Variants in OTULIN observed in about 807,000 individuals in gnomAD.
OTULIN encodes the protein ubiquitin thioesterase otulin.
In OTULIN, 15 loss-of-function variants were observed where a neutral mutation model predicts 39.6. The ratio of observed to expected loss-of-function variants is 0.38; its 90% CI spans 0.25 to 0.58. The LOEUF (loss-of-function observed/expected upper bound fraction) is 0.58, where lower values mean the gene tolerates loss of function less well. Among genes scored for constraint, OTULIN ranks in the 20% least tolerant of loss-of-function variants. The pLI is 0.66. For synonymous variants in OTULIN, 156 were observed against 170.3 expected (o/e 0.92, Z 0.65); for missense variants, 319 against 445.9 (o/e 0.72, Z 2.56).
chr5:14,685,414 A>G (rs1008048886), intron 4 of OTULIN, among the ~76,000 whole-genome samples: 1 of 152,236 alleles, frequency 6.6e-6, no homozygotes, highest in African/African-American at 2.4e-5. Flanking sequence ...TTATTCTAAT[A>G]GAAGTCCAGT....
the OTULIN span, chr5:14,713,801 A>G: frequency 7.7e-7 from 1 of 1,295,038 alleles, no homozygotes; most frequent in South Asian, 1.2e-5. This position sits in a 1 kb window ranked among gnomAD's most constrained non-coding sequence, Gnocchi z 4.4. Context: ...GCCGCTGGCC[A>G]CCTCATCTTC....
At chr5:14,712,997 A>G in the OTULIN span, 7 of 1,602,442 alleles carry the variant, frequency 4.4e-6, no homozygotes, top group Non-Finnish European at 6.0e-6. Flanking sequence ...CACAAAGGCA[A>G]TTTGTCTGTT....
chr5:14,686,267 G>T (rs1736385670), intron 4 of OTULIN, among the ~76,000 whole-genome samples: 1 of 152,028 alleles, frequency 6.6e-6, no homozygotes, highest in African/African-American at 2.4e-5. Flanking sequence ...TTTATTTTAT[G>T]TATTTATTTT....
At chr5:14,710,566 G>C in the OTULIN span, 1 of 156,548 alleles carries the variant, frequency 6.4e-6, no homozygotes, top group African/African-American at 2.4e-5. Flanking sequence ...GGGAGATTCT[G>C]TCCATCTGTC....
rs981649996 is a variant in OTULIN, at chr5:14,694,206, G to A, written c.*1158G>A. 4 of 152,284 alleles carry A rather than the reference G, an allele frequency of 2.6e-5. No individual in the cohort carries two copies. Among genetic ancestry groups the A allele is most frequent in the African/African-American group, 9.6e-5 (4 of 41,480 alleles). 9.4% of individuals were successfully genotyped at this position (152,284 alleles called of 1,614,324 possible). A position where few individuals can be genotyped will look rare whatever the true frequency, so the allele number is the denominator to read the frequency against. The stretch of plus-strand genomic sequence containing the variant: ...AATATGAGTGCAAAAGTGTGGCTGA[G>A]CCGCGTATGCCCTTGATTGGTTTTG... On this transcript the variant is annotated 3_prime_UTR_variant, in exon 7 of 7. Transcript: ENST00000284274.
At position 14,688,917 on chromosome 5, in the gene OTULIN, A is replaced by G. The variant is rs2288471; in HGVS notation, c.595-1122A>G. 5.3e-4 allele frequency among the ~76,000 whole-genome samples: 80 copies of G among 152,264 alleles called. No individual in the cohort carries two copies. The East Asian group carries it at 0.011, about 21-fold the overall frequency. ...GTTTTTCTACTATAATTAGACCCTC[A>G]TTTTTGGGAATGCTTGAGTGGTGCC... On this transcript the variant is annotated intron_variant, in intron 5 of 6. Coordinates refer to ENST00000284274, the MANE Select transcript of OTULIN (RefSeq NM_138348.6).
chr5:14,684,904 C>T (rs1736347212), intron 4 of OTULIN, among the ~76,000 whole-genome samples: 1 of 152,186 alleles, frequency 6.6e-6, no homozygotes, highest in Non-Finnish European at 1.5e-5. Flanking sequence ...CCTTATTTGC[C>T]CCTCTGACAG....
chr5:14,702,005 G>A (rs1313121769), downstream of OTULIN, among the ~76,000 whole-genome samples: 2 of 152,194 alleles, frequency 1.3e-5, no homozygotes, highest in African/African-American at 2.4e-5. Flanking sequence ...GGAAACACTC[G>A]AGCCTCGTGG....
intron 5 of OTULIN, among the ~76,000 whole-genome samples, chr5:14,689,694 AGCTTCACACACAG>A (rs977633460): frequency 1.3e-5 from 2 of 152,168 alleles, no homozygotes; most frequent in African/African-American, 2.4e-5. Context: ...TGCCCTTCAC[AGCTTCACACACAG>A]GCTTCACACA....
At chr5:14,691,954 A>G (rs573693470) in intron 6 of OTULIN, among the ~76,000 whole-genome samples, 62 of 152,330 alleles carry the variant, frequency 4.1e-4, no homozygotes, top group African/African-American at 1.4e-3. Flanking sequence ...GTAATATCCC[A>G]TTGTATGGAT....
the OTULIN span, among the ~76,000 whole-genome samples, chr5:14,715,068 G>A: frequency 6.8e-3 from 1,030 of 152,310 alleles, 2 homozygotes; most frequent in Non-Finnish European, 0.01. Flanking sequence ...AAGTGACGCC[G>A]CAAGGCCTTA....
At chr5:14,669,416 C>G (rs1331077253) in intron 1 of OTULIN, among the ~76,000 whole-genome samples, 2 of 152,080 alleles carry the variant, frequency 1.3e-5, no homozygotes, top group Non-Finnish European at 2.9e-5. Flanking sequence ...AAAATATACA[C>G]TTTAAAATAA....
chr5:14,677,462 C>A (rs1404821369), intron 2 of OTULIN, among the ~76,000 whole-genome samples: 1 of 152,150 alleles, frequency 6.6e-6, no homozygotes, highest in Non-Finnish European at 1.5e-5. Context: ...TCTACGTCTT[C>A]AGTAATTTAA....
In OTULIN at chr5:14,690,412, T is replaced by G. The variant is rs533970504; in HGVS notation, c.864+104T>G. 1,628 of 1,394,490 alleles carry G rather than the reference T, an allele frequency of 1.2e-3. 14 individuals carry two copies. Among genetic ancestry groups the G allele is most frequent in the South Asian group, 0.011 (804 of 71,772 alleles). The allele number at this position is 1,394,490 out of a possible 1,614,324, so 86.4% of individuals were successfully genotyped here. A position where few individuals can be genotyped will look rare whatever the true frequency, so the allele number is the denominator to read the frequency against. On this transcript the variant is annotated intron_variant, in intron 6 of 6. Coordinates refer to ENST00000284274, the MANE Select transcript of OTULIN (RefSeq NM_138348.6). This position sits in a 1 kb window ranked among gnomAD's most constrained non-coding sequence, Gnocchi z 4.5. ...GGTCAGAAATTCAGGGACAGCTTAG[T>G]TGGATGGTTCTGGCTCAGGATGTCA...
the OTULIN span, among the ~76,000 whole-genome samples, chr5:14,713,341 C>G: frequency 6.6e-6 from 1 of 152,254 alleles, no homozygotes; most frequent in African/African-American, 2.4e-5. The surrounding 1 kb of genome is among the most constrained non-coding windows in gnomAD (Gnocchi z 4.4). Context: ...TTATTCGTGT[C>G]TGGGCCTGAT....
rs1327424147 is a variant in OTULIN at position 14,694,031 on chromosome 5, A to T, written c.*983A>T. The T allele has an allele frequency of 6.6e-6, 1 of 152,292 alleles. No individual in the cohort carries two copies. Among genetic ancestry groups the T allele is most frequent in the Non-Finnish European group, 1.5e-5 (1 of 68,084 alleles). The allele number at this position is 152,292 out of a possible 1,614,324, so 9.4% of individuals were successfully genotyped here. A position where few individuals can be genotyped will look rare whatever the true frequency, so the allele number is the denominator to read the frequency against. On this transcript the variant is annotated 3_prime_UTR_variant, in exon 7 of 7. Coordinates refer to ENST00000284274, the MANE Select transcript of OTULIN (RefSeq NM_138348.6). ...GCCAAATTACTTTGAGGTAGGGCTT[A>T]GCTGGACCTGGGTTTTCCTATGCTC...
rs565931713 is a variant in OTULIN at position 14,690,377 on chromosome 5, A to G, written c.864+69A>G. The G allele has an allele frequency of 5.8e-6, 9 of 1,546,392 alleles. No individual in the cohort carries two copies. The highest frequency in any genetic ancestry group is 3.7e-5 in the South Asian group (3 of 80,612). ...CTTTACTGATCAAACTTGATGTCAC[A>G]GTTTTTGTAGGTCAGAAATTCAGGG... On this transcript the variant is annotated intron_variant, in intron 6 of 6. Coordinates refer to ENST00000284274, the MANE Select transcript of OTULIN (RefSeq NM_138348.6). This position sits in a 1 kb window ranked among gnomAD's most constrained non-coding sequence, Gnocchi z 4.5.
intron 2 of OTULIN, among the ~76,000 whole-genome samples, chr5:14,677,845 G>T (rs1736144828): frequency 6.6e-6 from 1 of 152,112 alleles, no homozygotes; most frequent in Non-Finnish European, 1.5e-5. Context: ...TTGTATAATG[G>T]TTATAAAAAA....
At chr5:14,675,602 T>C (rs1291715160) in intron 2 of OTULIN, among the ~76,000 whole-genome samples, 1 of 152,218 alleles carries the variant, frequency 6.6e-6, no homozygotes, top group Non-Finnish European at 1.5e-5. Context: ...GCTGACAGTA[T>C]TTCACCCTGT....
Sources: gnomAD v4.1 joint callset for allele counts (sites outside exome capture counted in the v4.1 genomes callset) on GRCh38, gnomAD v4.1.1 for gene constraint, Gnocchi (gnomAD v3.1) non-coding constraint, MANE v1.5 for transcripts, NCBI Gene and HGNC (gene_info 2026-07-23, HGNC 2026-07-21) for gene names.